FBXL7: variants seen among roughly 807,000 people sequenced by gnomAD.
The protein encoded by FBXL7 is F-box and leucine rich repeat protein 7.
FBXL7 carries 12 observed loss-of-function variants against 38.3 expected under a neutral mutation model. The observed-to-expected ratio is 0.31, with a 90% CI of 0.20 to 0.51. FBXL7 has a LOEUF of 0.51. FBXL7 is among the 20% of genes least tolerant of loss of function. The probability of loss-of-function intolerance (pLI) is 0.98; values close to 1 mark genes in which losing one functional copy is unlikely to be tolerated. For missense variants in FBXL7, 567 were observed against 676.4 expected (o/e 0.84, Z 1.79); for synonymous variants, 297 against 300.9 (o/e 0.99, Z 0.13).
Position 15,678,759 on chromosome 5 carries a change from CTT to C in FBXL7, c.127+62688_127+62689del, listed in dbSNP as rs1193016421. 3.9e-5 allele frequency among the ~76,000 whole-genome samples: 6 copies of C among 152,260 alleles called. No individual in the cohort carries two copies. In the East Asian group the frequency reaches 9.7e-4, roughly 25 times the overall value. ...TTTTCTCTTGACGCTCTCATTCTCT[CTT>C]GTCTGCCGCCATGTAAGACATGCTT... On this transcript the variant is annotated intron_variant, in intron 2 of 3. Transcript: ENST00000504595.
intron 1 of FBXL7, among the ~76,000 whole-genome samples, chr5:15,528,377 C>G (rs188269764): frequency 8.5e-5 from 13 of 152,278 alleles, no homozygotes; most frequent in Admixed American, 6.5e-4. Flanking sequence ...CATCTTGGTT[C>G]TCACATTCTG....
chr5:15,863,307 A>C (rs750476861), intron 2 of FBXL7, among the ~76,000 whole-genome samples: 6 of 152,156 alleles, frequency 3.9e-5, no homozygotes, highest in South Asian at 2.1e-4. Flanking sequence ...CACTTGGAAC[A>C]TGTGCTTTCT....
At chr5:15,511,241 A>C (rs74946917) in intron 1 of FBXL7, among the ~76,000 whole-genome samples, 2 of 152,244 alleles carry the variant, frequency 1.3e-5, no homozygotes, top group East Asian at 3.8e-4. Context: ...TCTGCTGACA[A>C]ATTGGCAGGT....
rs753935096 is a variant in FBXL7 at position 15,927,764 on chromosome 5, T to TAAAAA, written c.128-107_128-103dup. 3,215 of 451,506 alleles carry TAAAAA rather than the reference T, an allele frequency of 7.1e-3. 14 individuals are homozygous for TAAAAA. Among genetic ancestry groups the TAAAAA allele is most frequent in the South Asian group, 0.012 (119 of 10,204 alleles). The allele number at this position is 451,506 out of a possible 1,614,324, so 28.0% of individuals were successfully genotyped here. A position where few individuals can be genotyped will look rare whatever the true frequency, so the allele number is the denominator to read the frequency against. On this transcript the variant is annotated intron_variant, in intron 2 of 3. Coordinates refer to ENST00000504595, the MANE Select transcript of FBXL7 (RefSeq NM_012304.5). ...CACTCCCGCCTGGGCGACAAGATCT[T>TAAAAA]AAAAAAAAAAAAAAAAAAAAAAAGA...
At chr5:15,795,905 A>G (rs917453881) in intron 2 of FBXL7, among the ~76,000 whole-genome samples, 3 of 152,236 alleles carry the variant, frequency 2.0e-5, no homozygotes, top group African/African-American at 7.2e-5. Context: ...AGGGAGCTAC[A>G]TCTTAAAACT....
chr5:15,831,281 T>TA (rs747571038), intron 2 of FBXL7, among the ~76,000 whole-genome samples: 2 of 152,188 alleles, frequency 1.3e-5, no homozygotes, highest in Non-Finnish European at 2.9e-5. Flanking sequence ...TTTCAGATCT[T>TA]ACGACATGCC....
intron 1 of FBXL7, among the ~76,000 whole-genome samples, chr5:15,514,716 A>G (rs961392195): frequency 6.6e-6 from 1 of 152,182 alleles, no homozygotes; most frequent in Admixed American, 6.5e-5. Context: ...GTCTGTACAG[A>G]TGGCCTCTTC....
intron 2 of FBXL7, among the ~76,000 whole-genome samples, chr5:15,857,153 C>G (rs920725272): frequency 6.6e-6 from 1 of 152,126 alleles, no homozygotes; most frequent in Non-Finnish European, 1.5e-5. Context: ...TTCATCCCAC[C>G]TCAATTTTAC....
intron 2 of FBXL7, among the ~76,000 whole-genome samples, chr5:15,791,469 AT>A (rs1480207816): frequency 6.6e-6 from 1 of 152,230 alleles, no homozygotes; most frequent in Admixed American, 6.5e-5. Context: ...TACATATTTC[AT>A]GCTTCGGGTG....
chr5:15,840,672 C>T (rs977122224), intron 2 of FBXL7, among the ~76,000 whole-genome samples: 1 of 151,950 alleles, frequency 6.6e-6, no homozygotes, highest in African/African-American at 2.4e-5. Context: ...CGTGGTGAAA[C>T]CCCGTCTCTA....
At chr5:15,671,542 G>T (rs774337410) in intron 2 of FBXL7, among the ~76,000 whole-genome samples, 1 of 152,024 alleles carries the variant, frequency 6.6e-6, no homozygotes, top group Non-Finnish European at 1.5e-5. Context: ...CCCTAACTCT[G>T]ATATTGGTTT....
Position 15,771,801 on chromosome 5 carries a change from G to C in FBXL7, c.127+155729G>C, listed in dbSNP as rs1445857712. On this transcript the variant is annotated intron_variant, in intron 2 of 3. Transcript: ENST00000504595. The stretch of plus-strand genomic sequence containing the variant: ...TTTTTTTTTTTTTTTTTGAGACAGA[G>C]TTTCGCTCTTATTGCTCAGGCTGGA... 2.2e-5 allele frequency among the ~76,000 whole-genome samples: 3 copies of C among 133,638 alleles called. No homozygotes were observed. In the Admixed American group the frequency reaches 2.4e-4, roughly 11 times the overall value. The allele number at this position is 133,638 out of a possible 152,430, so 87.7% of individuals were successfully genotyped here. A position where few individuals can be genotyped will look rare whatever the true frequency, so the allele number is the denominator to read the frequency against.
At chr5:15,884,442 A>AT (rs1740595294) in intron 2 of FBXL7, among the ~76,000 whole-genome samples, 1 of 151,714 alleles carries the variant, frequency 6.6e-6, no homozygotes, top group Non-Finnish European at 1.5e-5. Context: ...AATTTTTTGT[A>AT]TTTTTAGTAG....
intron 2 of FBXL7, among the ~76,000 whole-genome samples, chr5:15,739,181 G>A (rs888157904): frequency 6.6e-6 from 1 of 152,056 alleles, no homozygotes; most frequent in South Asian, 2.1e-4. Context: ...GTTCTTCCCC[G>A]CATCTCCAGC....
intron 1 of FBXL7, among the ~76,000 whole-genome samples, chr5:15,613,036 T>C (rs1192682629): frequency 6.6e-6 from 1 of 152,210 alleles, no homozygotes; most frequent in African/African-American, 2.4e-5. Context: ...CTAGAGCATA[T>C]GGAGTTTATT....
intron 2 of FBXL7, among the ~76,000 whole-genome samples, chr5:15,827,618 G>A (rs1738350840): frequency 6.6e-6 from 1 of 152,136 alleles, no homozygotes; most frequent in African/African-American, 2.4e-5. Context: ...AAAGGGGTCT[G>A]AACTTACCAA....
chr5:15,519,469 C>CA (rs946903390), intron 1 of FBXL7, among the ~76,000 whole-genome samples: 19 of 148,192 alleles, frequency 1.3e-4, no homozygotes, highest in Non-Finnish European at 2.1e-4. Flanking sequence ...AACAAACAAA[C>CA]AAAAAAAACT....
At chr5:15,769,326 C>T (rs1736670516) in intron 2 of FBXL7, among the ~76,000 whole-genome samples, 1 of 152,148 alleles carries the variant, frequency 6.6e-6, no homozygotes, top group Non-Finnish European at 1.5e-5. Context: ...CAAAATTGAC[C>T]CTCTATGGTA....
intron 2 of FBXL7, among the ~76,000 whole-genome samples, chr5:15,624,104 T>C (rs1411835624): frequency 1.3e-5 from 2 of 152,360 alleles, no homozygotes; most frequent in East Asian, 3.9e-4. Context: ...TAATTGTGTT[T>C]AGCTTGTCAG....
Sources: gnomAD v4.1 joint callset for allele counts (sites outside exome capture counted in the v4.1 genomes callset) on GRCh38, gnomAD v4.1.1 for gene constraint, MANE v1.5 for transcripts, NCBI Gene and HGNC (gene_info 2026-07-23, HGNC 2026-07-21) for gene names.